The following SNTG2 variants were observed in gnomAD, a reference collection of about 807,000 sequenced individuals.
SNTG2 encodes syntrophin gamma 2.
SNTG2 carries 74 observed loss-of-function variants against 70.9 expected under a neutral mutation model. The observed-to-expected ratio is 1.04, with a 90% confidence interval of 0.86 to 1.27. The LOEUF (loss-of-function observed/expected upper bound fraction) is 1.27, where lower values mean the gene tolerates loss of function less well. Ranked by LOEUF, SNTG2 falls within the 50% of genes most tolerant of loss-of-function variation. The probability of loss-of-function intolerance (pLI) is 0.00; values close to 1 mark genes in which losing one functional copy is unlikely to be tolerated. For synonymous variants in SNTG2, 278 were observed against 273.8 expected, an observed-to-expected ratio of 1.02 and a Z score of -0.15; for missense variants, 717 against 690.7, an observed-to-expected ratio of 1.04 and a Z score of -0.43.
chr2:1,078,386 C>T (rs760364842), intron 1 of SNTG2, among the ~76,000 whole-genome samples: 28 of 152,088 alleles, frequency 1.8e-4, no homozygotes, highest in Non-Finnish European at 2.9e-4. Context: ...GGGAAGCTGC[C>T]GAGGAGGGGA....
chr2:1,157,265 G>A (rs188850987), intron 6 of SNTG2, among the ~76,000 whole-genome samples: 158 of 152,274 alleles, frequency 1.0e-3, no homozygotes, highest in Non-Finnish European at 1.9e-3. Flanking sequence ...AGGAATCATC[G>A]AGTCCTGCCC....
chr2:1,047,387 G>A (rs754501220), intron 1 of SNTG2, among the ~76,000 whole-genome samples: 1 of 152,114 alleles, frequency 6.6e-6, no homozygotes, highest in Non-Finnish European at 1.5e-5. Flanking sequence ...CCATTGCTGG[G>A]GAACCTCATG....
chr2:1,060,959 T>C (rs1662780238), intron 1 of SNTG2, among the ~76,000 whole-genome samples: 1 of 152,148 alleles, frequency 6.6e-6, no homozygotes, highest in Admixed American at 6.5e-5. Flanking sequence ...GGTCCACAAC[T>C]TAACCAAGTG....
At chr2:1,017,440 TG>T (rs1261519650) in intron 1 of SNTG2, among the ~76,000 whole-genome samples, 1 of 152,158 alleles carries the variant, frequency 6.6e-6, no homozygotes, top group Non-Finnish European at 1.5e-5. Flanking sequence ...TGCAGACACA[TG>T]CAATGTGCAT....
intron 6 of SNTG2, among the ~76,000 whole-genome samples, chr2:1,138,758 C>T (rs1160201013): frequency 6.6e-6 from 1 of 152,106 alleles, no homozygotes; most frequent in Non-Finnish European, 1.5e-5. Flanking sequence ...TAACTTGTCC[C>T]ACGAAGATTA....
At chr2:1,230,145 C>T (rs183513216) in intron 9 of SNTG2, among the ~76,000 whole-genome samples, 7 of 152,332 alleles carry the variant, frequency 4.6e-5, no homozygotes, top group Admixed American at 2.6e-4. Context: ...ACTGCCAGCA[C>T]GCTGTCACCT....
intron 1 of SNTG2, among the ~76,000 whole-genome samples, chr2:990,319 C>A (rs893134219): frequency 6.6e-6 from 1 of 152,176 alleles, no homozygotes; most frequent in African/African-American, 2.4e-5. Flanking sequence ...TCTCAGTCAG[C>A]CCAAGCCTCT....
intron 1 of SNTG2, among the ~76,000 whole-genome samples, chr2:1,014,535 G>T (rs1439466519): frequency 1.8e-4 from 13 of 70,338 alleles, no homozygotes; most frequent in South Asian, 9.7e-4. Flanking sequence ...GGGTGGTCTG[G>T]AGAAGGATTT....
At position 1,340,350 on chromosome 2, in the gene SNTG2, C is replaced by T. The variant is rs116102786; in HGVS notation, c.1488+23975C>T. 7.3e-4 allele frequency among the ~76,000 whole-genome samples: 111 copies of T among 152,276 alleles called. 1 individual carries two copies. In the Middle Eastern group the frequency reaches 0.017, roughly 23 times the overall value. On this transcript the variant is annotated intron_variant, in intron 16 of 16. Coordinates refer to ENST00000308624, the MANE Select transcript of SNTG2 (RefSeq NM_018968.4). ...TAAATGAGATCATCACCCAACAGCC[C>T]GATTACAAAACGCCATTCTTTATCC...
intron 14 of SNTG2, among the ~76,000 whole-genome samples, chr2:1,282,259 G>T (rs1004477176): frequency 3.3e-5 from 5 of 152,082 alleles, no homozygotes; most frequent in Non-Finnish European, 7.4e-5. Context: ...GTGCACCGCC[G>T]AGTTTCTCCA....
At chr2:1,364,872 T>C (rs1376424760) in intron 16 of SNTG2, among the ~76,000 whole-genome samples, 1 of 152,022 alleles carries the variant, frequency 6.6e-6, no homozygotes, top group Non-Finnish European at 1.5e-5. Flanking sequence ...GTTGTGCCAC[T>C]GCACTCCAGC....
chr2:958,349 A>C (rs1033212394), intron 1 of SNTG2, among the ~76,000 whole-genome samples: 6 of 152,224 alleles, frequency 3.9e-5, no homozygotes, highest in African/African-American at 1.4e-4. Context: ...GTCATACAAA[A>C]TGGGAACAGG....
chr2:995,757 T>A (rs1439925347), intron 1 of SNTG2, among the ~76,000 whole-genome samples: 1 of 152,144 alleles, frequency 6.6e-6, no homozygotes, highest in Non-Finnish European at 1.5e-5. Flanking sequence ...ATGTGTCAAT[T>A]TCATTTAAGT....
intron 7 of SNTG2, among the ~76,000 whole-genome samples, chr2:1,170,236 C>A (rs1671036899): frequency 6.6e-6 from 1 of 152,212 alleles, no homozygotes; most frequent in Non-Finnish European, 1.5e-5. Flanking sequence ...TATAAAGATA[C>A]AATTCATGCA....
rs1674850269 is a variant in SNTG2, at chr2:1,221,495, CTCTGTCT to C, written c.719+12266_719+12272del. Among the ~76,000 whole-genome samples the C allele has an allele frequency of 8.8e-4, 17 of 19,326 alleles. 1 individual carries two copies. The highest frequency in any genetic ancestry group is 1.2e-3 in the Non-Finnish European group (13 of 10,700). The allele number at this position is 19,326 out of a possible 152,430, so 12.7% of individuals were successfully genotyped here. On this transcript the variant is annotated intron_variant, in intron 9 of 16. Transcript: ENST00000308624. The stretch of plus-strand genomic sequence containing the variant: ...TCTGTCTCTCTCTCTCTCTGTCTCT[CTCTGTCT>C]CTCTCTCTCTCTCTGTCTCTCTCTA...
At chr2:982,071 TGCATCTCCAG>T (rs1661122535) in intron 1 of SNTG2, among the ~76,000 whole-genome samples, 1 of 152,244 alleles carries the variant, frequency 6.6e-6, no homozygotes. Flanking sequence ...CCCACACACA[TGCATCTCCAG>T]GCTTTTTCTT....
chr2:1,034,881 T>C (rs1242640381), intron 1 of SNTG2, among the ~76,000 whole-genome samples: 2 of 152,218 alleles, frequency 1.3e-5, no homozygotes, highest in African/African-American at 4.8e-5. Flanking sequence ...GATGGACCTC[T>C]AAACAACTTT....
intron 6 of SNTG2, among the ~76,000 whole-genome samples, chr2:1,147,675 G>T (rs545443973): frequency 6.6e-6 from 1 of 152,274 alleles, no homozygotes; most frequent in South Asian, 2.1e-4. Context: ...ACCCAAGTAT[G>T]GGGGGTAAGA....
chr2:1,361,845 A>G, intron 16 of SNTG2, among the ~76,000 whole-genome samples: 1 of 107,516 alleles, frequency 9.3e-6, no homozygotes, highest in Non-Finnish European at 2.1e-5. Context: ...ACGGATGCTG[A>G]GCATTTCAGT....
Sources: gnomAD v4.1 joint callset for allele counts (sites outside exome capture counted in the v4.1 genomes callset) on GRCh38, gnomAD v4.1.1 for gene constraint, MANE v1.5 for transcripts, NCBI Gene and HGNC (gene_info 2026-07-23, HGNC 2026-07-21) for gene names.